Variants in CADPS observed in about 807,000 individuals in gnomAD.
The protein encoded by CADPS is calcium-dependent secretion activator 1.
CADPS carries 57 observed loss-of-function variants against 167.3 expected under a neutral mutation model. That is an observed-to-expected ratio of 0.34 (90% CI 0.28 to 0.42). The LOEUF is 0.42. CADPS is among the 20% of genes least tolerant of loss of function. CADPS has a pLI of 1.00. For synonymous variants in CADPS, 676 were observed against 635.3 expected, an observed-to-expected ratio of 1.06 and a Z score of -0.96; for missense variants, 1,414 against 1,738.1, an observed-to-expected ratio of 0.81 and a Z score of 3.32.
chr3:62,491,542 CACACACACACACACAA>C (rs938769465), intron 20 of CADPS, 62 bp from the exon 21 acceptor site: 38 of 1,103,864 alleles, frequency 3.4e-5, no homozygotes, highest in African/African-American at 3.3e-4. Context: ...GTACAACACA[CACACACACACACACAA>C]ACACACACAC....
At chr3:62,604,426 G>T (rs1278132707) in intron 6 of CADPS, among the ~76,000 whole-genome samples, 3 of 152,216 alleles carry the variant, frequency 2.0e-5, no homozygotes, top group African/African-American at 4.8e-5. Flanking sequence ...TCACATGCAG[G>T]ACTGGGGACT....
chr3:62,646,705 G>A (rs781069901), intron 5 of CADPS, among the ~76,000 whole-genome samples: 4 of 152,126 alleles, frequency 2.6e-5, no homozygotes, highest in South Asian at 2.1e-4. Context: ...GTTACAACCC[G>A]TTGTTGCCTT....
At position 62,559,968 on chromosome 3, in the gene CADPS, C is replaced by T. The variant is rs1416038500; in HGVS notation, c.1645-2455G>A. On this transcript the variant is annotated intron_variant, in intron 9 of 29. Transcript: ENST00000383710. ...ATTTACTATTACTACATGGTTTGGG[C>T]TTTTTAATTTTTTTTTTTTTTTCCT... is the stretch of plus-strand genomic sequence containing the variant. Among the ~76,000 whole-genome samples the T allele has an allele frequency of 5.3e-5, 8 of 149,956 alleles. No homozygotes were observed. In the East Asian group the frequency reaches 1.6e-3, roughly 29 times the overall value.
chr3:62,493,285 A>T (rs2064046495), intron 19 of CADPS, among the ~76,000 whole-genome samples: 1 of 152,192 alleles, frequency 6.6e-6, no homozygotes, highest in African/African-American at 2.4e-5. Flanking sequence ...CATGTTGACT[A>T]ATCATTTCTG....
intron 1 of CADPS, among the ~76,000 whole-genome samples, chr3:62,794,707 A>AG (rs1164727544): frequency 2.1e-5 from 3 of 141,520 alleles, no homozygotes; most frequent in African/African-American, 5.3e-5. Flanking sequence ...TAAGGATGGG[A>AG]GGGCCCCGCG....
intron 3 of CADPS, among the ~76,000 whole-genome samples, chr3:62,704,430 A>C (rs2081975242): frequency 1.3e-5 from 2 of 152,112 alleles, no homozygotes; most frequent in South Asian, 4.1e-4. Flanking sequence ...CCTGTTGCTC[A>C]CATACGATTT....
intron 10 of CADPS, among the ~76,000 whole-genome samples, chr3:62,554,209 C>T (rs903010670): frequency 6.6e-6 from 1 of 152,188 alleles, no homozygotes; most frequent in Non-Finnish European, 1.5e-5. Flanking sequence ...AAACCATACA[C>T]AGGGAAAGGT....
At chr3:62,599,869 AT>A (rs2059678932) in intron 6 of CADPS, among the ~76,000 whole-genome samples, 3 of 66,364 alleles carry the variant, frequency 4.5e-5, no homozygotes, top group African/African-American at 1.5e-4. Context: ...ATAATATATA[AT>A]AATATATAAT....
intron 17 of CADPS, among the ~76,000 whole-genome samples, chr3:62,512,002 C>T (rs1015514745): frequency 6.6e-6 from 1 of 152,122 alleles, no homozygotes; most frequent in African/African-American, 2.4e-5. Flanking sequence ...CTTATTGCAG[C>T]CCTATGCTTG....
intron 6 of CADPS, chr3:62,626,548 G>T (rs1474186599): frequency 1.4e-6 from 1 of 702,706 alleles, no homozygotes; most frequent in South Asian, 1.5e-5. Flanking sequence ...TGAGGCAGTT[G>T]TTCTCTTCTG....
chr3:62,431,822 G>A (rs1159060892), intron 28 of CADPS, among the ~76,000 whole-genome samples: 1 of 150,758 alleles, frequency 6.6e-6, no homozygotes, highest in South Asian at 2.1e-4. Context: ...ACTTTAAAAA[G>A]CAATTTTTTT....
chr3:62,672,977 A>G (rs1160638478), intron 3 of CADPS, among the ~76,000 whole-genome samples: 1 of 152,042 alleles, frequency 6.6e-6, no homozygotes, highest in Non-Finnish European at 1.5e-5. Context: ...CAATATTGCT[A>G]CCTTAGGGGC....
chr3:62,843,109 T>C (rs1046043318), intron 1 of CADPS, among the ~76,000 whole-genome samples: 1 of 152,130 alleles, frequency 6.6e-6, no homozygotes, highest in Admixed American at 6.6e-5. Flanking sequence ...TAACTTCCAA[T>C]TTTTTTCCTG....
At chr3:62,620,371 A>G (rs1026737001) in intron 6 of CADPS, among the ~76,000 whole-genome samples, 1 of 152,194 alleles carries the variant, frequency 6.6e-6, no homozygotes, top group Admixed American at 6.6e-5. Flanking sequence ...CCCATCTTAC[A>G]GATGAAGACA....
At chr3:62,548,442 AC>A (rs1413607950) in intron 11 of CADPS, among the ~76,000 whole-genome samples, 1 of 152,190 alleles carries the variant, frequency 6.6e-6, no homozygotes, top group African/African-American at 2.4e-5. Context: ...ACACTGTTCC[AC>A]AAGGGCATGC....
intron 6 of CADPS, among the ~76,000 whole-genome samples, chr3:62,617,356 A>G (rs543188721): frequency 4.5e-4 from 68 of 152,306 alleles, no homozygotes; most frequent in Non-Finnish European, 8.8e-4. Flanking sequence ...GAAAAAAAAT[A>G]TATGGATGAA....
In CADPS at chr3:62,602,682, C is replaced by G. The variant is rs886664926; in HGVS notation, c.1326-9934G>C. Among the ~76,000 whole-genome samples, 11 of 152,062 alleles carry G rather than the reference C, an allele frequency of 7.2e-5. No individual in the cohort carries two copies. The highest frequency in any genetic ancestry group is 6.6e-4 in the Admixed American group (10 of 15,262). ...CTCATCTACATAAGTGAGGCGTTTG[C>G]TTTGTAGAAATTGGGCTGTCTGGGA... On this transcript the variant is annotated intron_variant, in intron 6 of 29. Coordinates refer to ENST00000383710, the MANE Select transcript of CADPS (RefSeq NM_003716.4). This position sits in a 1 kb window ranked among gnomAD's most constrained non-coding sequence, Gnocchi z 4.4.
intron 13 of CADPS, 30 bp downstream of exon 13, chr3:62,532,841 T>C: frequency 6.3e-7 from 1 of 1,594,570 alleles, no homozygotes; most frequent in Non-Finnish European, 8.6e-7. Flanking sequence ...TTCTTAAGGA[T>C]CACCTCTAGA....
At chr3:62,583,965 T>A (rs1250736180) in intron 8 of CADPS, among the ~76,000 whole-genome samples, 1 of 151,960 alleles carries the variant, frequency 6.6e-6, no homozygotes, top group African/African-American at 2.4e-5. Flanking sequence ...GAAATTGGGT[T>A]TGTGAATTCC....
Sources: allele counts gnomAD v4.1 joint callset (sites outside exome capture counted in the v4.1 genomes callset), GRCh38; gene constraint gnomAD v4.1.1; non-coding constraint Gnocchi (gnomAD v3.1); transcripts MANE v1.5; gene names NCBI Gene and HGNC (gene_info 2026-07-23, HGNC 2026-07-21).